KCNQ5: variants seen among roughly 807,000 people sequenced by gnomAD.
KCNQ5 encodes the protein potassium voltage-gated channel subfamily Q member 5, also known as potassium voltage-gated channel subfamily KQT member 5.
Under a neutral mutation model 98.2 loss-of-function variants are expected in KCNQ5, and 30 were observed. The observed-to-expected ratio is 0.31, with a 90% CI of 0.23 to 0.41. The LOEUF is 0.41. Ranked by LOEUF, KCNQ5 falls within the 10% of genes least tolerant of loss-of-function variation. KCNQ5 has a pLI of 1.00. For missense variants in KCNQ5, 835 were observed against 1,182.5 expected (o/e 0.71, Z 4.31); for synonymous variants, 458 against 449.4 (o/e 1.02, Z -0.24).
At chr6:72,716,450 G>C (rs1416496100) in intron 1 of KCNQ5, among the ~76,000 whole-genome samples, 2 of 152,176 alleles carry the variant, frequency 1.3e-5, no homozygotes, top group Admixed American at 1.3e-4. Flanking sequence ...AAGTTCATTT[G>C]CTTAGCTGAA....
intron 1 of KCNQ5, among the ~76,000 whole-genome samples, chr6:72,632,332 G>A (rs1405577781): frequency 6.6e-6 from 1 of 151,742 alleles, no homozygotes; most frequent in Non-Finnish European, 1.5e-5. Flanking sequence ...TAGTAGAGAC[G>A]GGGTTTCACC....
chr6:72,741,727 G>A (rs1205473989), intron 1 of KCNQ5, among the ~76,000 whole-genome samples: 2 of 152,138 alleles, frequency 1.3e-5, no homozygotes, highest in East Asian at 1.9e-4. Context: ...CCCATTAGCT[G>A]ATGTATGAAT....
intron 1 of KCNQ5, among the ~76,000 whole-genome samples, chr6:72,969,816 C>G (rs2150281965): frequency 6.6e-6 from 1 of 152,228 alleles, no homozygotes; most frequent in Non-Finnish European, 1.5e-5. Flanking sequence ...TTGATGTTGT[C>G]TGGGAGTATC....
chr6:72,746,886 G>A (rs73753891), intron 1 of KCNQ5, among the ~76,000 whole-genome samples: 1 of 151,918 alleles, frequency 6.6e-6, no homozygotes, highest in African/African-American at 2.4e-5. Context: ...TAGTAGTTGC[G>A]GAAAATAATG....
At chr6:73,079,845 CA>C (rs1562165892) in intron 5 of KCNQ5, among the ~76,000 whole-genome samples, 1 of 152,168 alleles carries the variant, frequency 6.6e-6, no homozygotes, top group Non-Finnish European at 1.5e-5. Flanking sequence ...ACTGAGAAAA[CA>C]GGAGGCTTTT....
intron 10 of KCNQ5, among the ~76,000 whole-genome samples, chr6:73,144,370 C>T (rs1167057012): frequency 6.6e-6 from 1 of 152,162 alleles, no homozygotes; most frequent in Admixed American, 6.5e-5. Flanking sequence ...CTCAGAATAA[C>T]ATTACCTGGG....
intron 1 of KCNQ5, among the ~76,000 whole-genome samples, chr6:72,899,765 C>T (rs1166309639): frequency 1.3e-5 from 2 of 152,034 alleles, no homozygotes; most frequent in Non-Finnish European, 2.9e-5. Flanking sequence ...GCAGTATACA[C>T]TTCACCCTCT....
chr6:72,981,098 G>A (rs917757627), intron 1 of KCNQ5, among the ~76,000 whole-genome samples: 5 of 152,032 alleles, frequency 3.3e-5, no homozygotes, highest in East Asian at 1.9e-4. Context: ...GATATTCCTC[G>A]GGATATTGGT....
intron 11 of KCNQ5, among the ~76,000 whole-genome samples, chr6:73,183,788 G>A (rs1201403034): frequency 6.6e-6 from 1 of 152,188 alleles, no homozygotes; most frequent in East Asian, 1.9e-4. Flanking sequence ...ATGTAAACAT[G>A]TCAAGTTATG....
chr6:73,153,795 G>A (rs1777244398), intron 10 of KCNQ5, among the ~76,000 whole-genome samples: 1 of 151,178 alleles, frequency 6.6e-6, no homozygotes, highest in African/African-American at 2.4e-5. Context: ...AAATTTTTAT[G>A]TCAAGAATGT....
At chr6:72,984,833 G>A (rs779648990) in intron 1 of KCNQ5, among the ~76,000 whole-genome samples, 14 of 152,144 alleles carry the variant, frequency 9.2e-5, no homozygotes, top group Admixed American at 2.0e-4. Flanking sequence ...GTTGCTATTC[G>A]GCCATTTTGG....
At chr6:72,725,711 G>A (rs1770227610) in intron 1 of KCNQ5, among the ~76,000 whole-genome samples, 1 of 152,182 alleles carries the variant, frequency 6.6e-6, no homozygotes, top group South Asian at 2.1e-4. Flanking sequence ...ATGTGAGGTG[G>A]CAGCTTTGTT....
At chr6:73,035,853 T>G (rs975074377) in intron 2 of KCNQ5, among the ~76,000 whole-genome samples, 6 of 152,306 alleles carry the variant, frequency 3.9e-5, no homozygotes, top group African/African-American at 1.2e-4. Flanking sequence ...AGACATACCC[T>G]GTGTATACTT....
intron 10 of KCNQ5, among the ~76,000 whole-genome samples, chr6:73,165,994 G>A (rs534550421): frequency 6.6e-6 from 1 of 152,184 alleles, no homozygotes; most frequent in South Asian, 2.1e-4. Flanking sequence ...AGTGGTCAGA[G>A]GTGAGGCTCA....
intron 1 of KCNQ5, among the ~76,000 whole-genome samples, chr6:72,845,299 A>G (rs992036149): frequency 1.3e-5 from 2 of 152,184 alleles, no homozygotes; most frequent in African/African-American, 4.8e-5. Context: ...GAACACTAAG[A>G]TAGAGCATCA....
intron 1 of KCNQ5, among the ~76,000 whole-genome samples, chr6:72,767,467 G>A (rs1772635795): frequency 6.6e-6 from 1 of 151,816 alleles, no homozygotes; most frequent in Admixed American, 6.6e-5. Context: ...CCCAGCAATA[G>A]AAGAAAAAAT....
intron 1 of KCNQ5, among the ~76,000 whole-genome samples, chr6:72,692,034 A>T (rs1165564602): frequency 6.6e-6 from 1 of 152,222 alleles, no homozygotes; most frequent in African/African-American, 2.4e-5. Flanking sequence ...GTGTTATAAC[A>T]GTGTTCATAA....
rs1436690147 is a variant in KCNQ5 at position 73,051,723 on chromosome 6, A to C, written c.616+9661A>C. 1.1e-4 allele frequency among the ~76,000 whole-genome samples: 16 copies of C among 149,558 alleles called. 1 individual carries two copies. Among genetic ancestry groups the C allele is most frequent in the Admixed American group, 2.7e-4 (4 of 15,066 alleles). ...ATAGAGGCAAAAAAAAAAAAAAAAA[A>C]AAAAAAAAAAAAAAAAACTATCCAA... On this transcript the variant is annotated intron_variant, in intron 3 of 13. Coordinates refer to ENST00000370398, the MANE Select transcript of KCNQ5 (RefSeq NM_019842.4).
chr6:72,936,630 C>T (rs1240923727), intron 1 of KCNQ5, among the ~76,000 whole-genome samples: 3 of 152,128 alleles, frequency 2.0e-5, no homozygotes, highest in Admixed American at 6.5e-5. Context: ...TATCATTTTT[C>T]CAATCTCTTA....
Sources: gnomAD v4.1 joint callset for allele counts (sites outside exome capture counted in the v4.1 genomes callset) on GRCh38, gnomAD v4.1.1 for gene constraint, MANE v1.5 for transcripts, NCBI Gene and HGNC (gene_info 2026-07-23, HGNC 2026-07-21) for gene names.